Variants in ZNF385B observed in about 807,000 individuals in gnomAD.
ZNF385B encodes the protein zinc finger protein 533.
Under a neutral mutation model 39.2 loss-of-function variants are expected in ZNF385B, and 23 were observed. The observed-to-expected ratio is 0.59, with a 90% CI of 0.42 to 0.83. The LOEUF (loss-of-function observed/expected upper bound fraction) is 0.83, where lower values mean the gene tolerates loss of function less well. ZNF385B is among the 40% of genes least tolerant of loss of function. ZNF385B has a pLI of 0.00. For missense variants in ZNF385B, 552 were observed against 598.9 expected, an observed-to-expected ratio of 0.92 and a Z score of 0.82; for synonymous variants, 205 against 222.6, an observed-to-expected ratio of 0.92 and a Z score of 0.70.
intron 3 of ZNF385B, among the ~76,000 whole-genome samples, chr2:179,580,770 A>C (rs1261856545): frequency 6.6e-6 from 1 of 152,206 alleles, no homozygotes; most frequent in Non-Finnish European, 1.5e-5. Flanking sequence ...TTTGTTAAGC[A>C]AGTCTATGGC....
At chr2:179,596,154 T>C (rs1046076468) in intron 3 of ZNF385B, among the ~76,000 whole-genome samples, 1 of 152,158 alleles carries the variant, frequency 6.6e-6, no homozygotes, top group African/African-American at 2.4e-5. Context: ...TACCTCATAG[T>C]TCTGTAGGTT....
At chr2:179,556,868 T>C (rs1354194307) in intron 3 of ZNF385B, among the ~76,000 whole-genome samples, 2 of 148,954 alleles carry the variant, frequency 1.3e-5, no homozygotes, top group Non-Finnish European at 1.5e-5. Context: ...TATCTAGAAC[T>C]CTGAGTCTAT....
Position 179,483,274 on chromosome 2 carries a change from G to T in ZNF385B, c.713C>A (p.Ser238Ter). ...TPITGNNSDK[S>*]EDKGKLKASS... ...AAAGAACAAAAAGTGTCATTGACCT[G>T]ATTTGTCAGAGTTGTTGCCTGTGAT... The change falls in exon 6 of 10, where the codon TCA (serine) becomes TAA (stop). Residue 238 changes from serine to a stop codon, truncating the protein, a stop_gained and splice_region_variant. Transcript: ENST00000410066. LOFTEE classifies it high-confidence loss of function. 6.2e-7 allele frequency: 1 copy of T among 1,613,844 alleles called. No individual in the cohort carries two copies. Among genetic ancestry groups the T allele is most frequent in the Non-Finnish European group, 8.5e-7 (1 of 1,179,854 alleles).
At chr2:179,489,517 A>G (rs1218170624) in intron 5 of ZNF385B, among the ~76,000 whole-genome samples, 1 of 152,240 alleles carries the variant, frequency 6.6e-6, no homozygotes, top group African/African-American at 2.4e-5. Context: ...TAATTATTTG[A>G]GATAAAAGCA....
At chr2:179,765,677 T>G (rs1221097906) in intron 3 of ZNF385B, among the ~76,000 whole-genome samples, 1 of 152,136 alleles carries the variant, frequency 6.6e-6, no homozygotes, top group Admixed American at 6.5e-5. Context: ...CATAAGAAAT[T>G]ATGAGACAGC....
At chr2:179,589,989 A>C (rs898908084) in intron 3 of ZNF385B, among the ~76,000 whole-genome samples, 6 of 152,234 alleles carry the variant, frequency 3.9e-5, no homozygotes, top group African/African-American at 1.4e-4. Context: ...ATGGGAAAAA[A>C]TTTAGCATGG....
chr2:179,631,037 C>T (rs762560208), intron 3 of ZNF385B, among the ~76,000 whole-genome samples: 10 of 152,120 alleles, frequency 6.6e-5, no homozygotes, highest in East Asian at 1.9e-4. Flanking sequence ...ACCAAATCTA[C>T]GTTTGATTGG....
chr2:179,663,682 C>A (rs1221247877), intron 3 of ZNF385B, among the ~76,000 whole-genome samples: 1 of 140,890 alleles, frequency 7.1e-6, no homozygotes, highest in Non-Finnish European at 1.5e-5. Context: ...TGCATTCCAT[C>A]CAGCCTGGGC....
intron 1 of ZNF385B, among the ~76,000 whole-genome samples, chr2:179,860,236 C>T (rs964176440): frequency 6.6e-6 from 1 of 152,138 alleles, no homozygotes; most frequent in African/African-American, 2.4e-5. Context: ...CTTTTGAGAG[C>T]ATTCCAAAAC....
At chr2:179,634,765 G>C (rs901328094) in intron 3 of ZNF385B, among the ~76,000 whole-genome samples, 1 of 152,088 alleles carries the variant, frequency 6.6e-6, no homozygotes, top group African/African-American at 2.4e-5. Flanking sequence ...TATGTTTATT[G>C]CGCCACTATT....
chr2:179,633,326 C>T (rs1184006128), intron 3 of ZNF385B, among the ~76,000 whole-genome samples: 2 of 152,132 alleles, frequency 1.3e-5, no homozygotes, highest in Admixed American at 1.3e-4. Flanking sequence ...CAAACTGAAT[C>T]CAGCAGCACA....
chr2:179,577,839 G>A (rs1458280534), intron 3 of ZNF385B, among the ~76,000 whole-genome samples: 1 of 151,854 alleles, frequency 6.6e-6, no homozygotes, highest in Admixed American at 6.6e-5. Flanking sequence ...AAGTGTCAAT[G>A]TGTTTGCTTT....
At chr2:179,501,825 T>C (rs1006432554) in intron 5 of ZNF385B, among the ~76,000 whole-genome samples, 11 of 152,182 alleles carry the variant, frequency 7.2e-5, no homozygotes, top group African/African-American at 2.4e-4. Flanking sequence ...TGCATGCCCA[T>C]ATCAAAACAT....
intron 5 of ZNF385B, among the ~76,000 whole-genome samples, chr2:179,504,932 C>G (rs954469078): frequency 5.3e-5 from 8 of 152,080 alleles, no homozygotes; most frequent in Non-Finnish European, 1.0e-4. Flanking sequence ...CACCTCCTAC[C>G]AGGTCCCACA....
rs2060259801 is a variant in ZNF385B at position 179,546,767 on chromosome 2, T to C, written c.299-1798A>G. ...CTAGCAGTGGGATTGTTGGGTCATA[T>C]GGTAGCCCAACTTTTAGTTTTTTGA... On this transcript the variant is annotated intron_variant, in intron 3 of 9. Transcript: ENST00000410066. Among the ~76,000 whole-genome samples, 2 of 134,504 alleles carry C rather than the reference T, an allele frequency of 1.5e-5. 1 individual carries two copies. The highest frequency in any genetic ancestry group is 1.4e-4 in the Admixed American group (2 of 13,966). 88.2% of individuals were successfully genotyped at this position (134,504 alleles called of 152,430 possible).
chr2:179,676,474 T>C (rs1034419866), intron 3 of ZNF385B, among the ~76,000 whole-genome samples: 2 of 152,174 alleles, frequency 1.3e-5, no homozygotes, highest in African/African-American at 4.8e-5. Context: ...TCTGCCCACC[T>C]TGGCCTCCCA....
At chr2:179,444,040 T>G (rs1337630425) in intron 9 of ZNF385B, among the ~76,000 whole-genome samples, 1 of 152,208 alleles carries the variant, frequency 6.6e-6, no homozygotes, top group Non-Finnish European at 1.5e-5. Flanking sequence ...TGATTGTAAG[T>G]GGGTAGAAAC....
chr2:179,664,972 T>G (rs977459520), intron 3 of ZNF385B, among the ~76,000 whole-genome samples: 1 of 152,164 alleles, frequency 6.6e-6, no homozygotes, highest in African/African-American at 2.4e-5. Context: ...TGAAAAAAAT[T>G]TTAAACAGTT....
chr2:179,526,844 T>C (rs2058936882), intron 4 of ZNF385B, among the ~76,000 whole-genome samples: 1 of 152,196 alleles, frequency 6.6e-6, no homozygotes, highest in African/African-American at 2.4e-5. Flanking sequence ...GGGTCAAATG[T>C]TTGGGGAGAT....
Sources: allele counts gnomAD v4.1 joint callset (sites outside exome capture counted in the v4.1 genomes callset), GRCh38; gene constraint gnomAD v4.1.1; transcripts MANE v1.5; gene names NCBI Gene and HGNC (gene_info 2026-07-23, HGNC 2026-07-21).